The following CSNK1G1 variants were observed in gnomAD, a reference collection of about 807,000 sequenced individuals.
CSNK1G1 encodes casein kinase I isoform gamma-1.
In CSNK1G1, 22 loss-of-function variants were observed where a neutral mutation model predicts 59.6. The observed-to-expected ratio is 0.37, with a 90% CI of 0.26 to 0.53. CSNK1G1 has a LOEUF of 0.53. CSNK1G1 is among the 20% of genes least tolerant of loss of function. The pLI is 0.89. For synonymous variants in CSNK1G1, 179 were observed against 177.1 expected (o/e 1.01, Z -0.08); for missense variants, 384 against 519.5 (o/e 0.74, Z 2.54).
intron 11 of CSNK1G1, among the ~76,000 whole-genome samples, chr15:64,177,289 G>C (rs560045053): frequency 6.6e-5 from 10 of 152,188 alleles, no homozygotes; most frequent in Non-Finnish European, 1.5e-4. Context: ...TGAACAAATG[G>C]CATCACAGCT....
chr15:64,208,423 G>A (rs1352726683), intron 6 of CSNK1G1, among the ~76,000 whole-genome samples: 1 of 152,204 alleles, frequency 6.6e-6, no homozygotes, highest in Non-Finnish European at 1.5e-5. Flanking sequence ...TAATTGGGAA[G>A]GTGAAGATGA....
rs763270523 is a variant in CSNK1G1 at position 64,251,575 on chromosome 15, T to C, written c.229A>G (p.Ile77Val). 2 of 1,611,610 alleles carry C rather than the reference T, an allele frequency of 1.2e-6. No individual in the cohort carries two copies. The highest frequency in any genetic ancestry group is 1.1e-5 in the South Asian group (1 of 90,720). ...TGAAGCTGTGGAGCACGTGATTTTATTGGTTCCTGAAATCCAAAAAGAAAA... is the reference window on the plus strand; with the variant it reads ...TGAAGCTGTGGAGCACGTGATTTTACTGGTTCCTGAAATCCAAAAAGAAAA... ...NEYVAIKLEPIKSRAPQLHLE... is the reference protein window; with the variant it reads ...NEYVAIKLEPVKSRAPQLHLE... Residue 77 changes from isoleucine (I) to valine (V), a missense_variant, in exon 4 of 12, where the codon ATA (isoleucine) becomes GTA (valine). Physicochemically the swap from Ile to Val is conservative, Grantham distance 29. Transcript: ENST00000303052.
chr15:64,273,686 G>A (rs1893450493), intron 2 of CSNK1G1, among the ~76,000 whole-genome samples: 1 of 150,884 alleles, frequency 6.6e-6, no homozygotes, highest in South Asian at 2.1e-4. Context: ...GAATTGTCTT[G>A]GGCCACACAT....
chr15:64,259,757 TC>T (rs1410957114), intron 2 of CSNK1G1, among the ~76,000 whole-genome samples: 4 of 152,182 alleles, frequency 2.6e-5, no homozygotes, highest in Non-Finnish European at 4.4e-5. Flanking sequence ...TTTGGAGAAT[TC>T]ATCTACTGCT....
At chr15:64,322,372 A>C (rs1215347072) in intron 1 of CSNK1G1, among the ~76,000 whole-genome samples, 1 of 151,948 alleles carries the variant, frequency 6.6e-6, no homozygotes, top group Non-Finnish European at 1.5e-5. Flanking sequence ...AAATACAGAC[A>C]CGGTCTTACT....
chr15:64,297,625 G>A (rs1449035045), intron 2 of CSNK1G1, among the ~76,000 whole-genome samples: 1 of 151,994 alleles, frequency 6.6e-6, no homozygotes, highest in East Asian at 1.9e-4. Context: ...TTGAGCCTGG[G>A]AGTTGGAGGC....
In CSNK1G1 at chr15:64,201,706, ATGTGTGTGTG is replaced by A. The variant is rs10664838; in HGVS notation, c.1107+1366_1107+1375del. ...TATTTGTGGGTGTACTCCATTGGAC[ATGTGTGTGTG>A]TGTGTGTGTGTGTGTGTGTGTGTGT... On this transcript the variant is annotated intron_variant, in intron 10 of 11. Transcript: ENST00000303052. Among the ~76,000 whole-genome samples the A allele has an allele frequency of 9.0e-3, 1,133 of 126,540 alleles. 5 individuals carry two copies. The highest frequency in any genetic ancestry group is 0.013 in the Non-Finnish European group (794 of 61,132). 83.0% of individuals were successfully genotyped at this position (126,540 alleles called of 152,430 possible). A position where few individuals can be genotyped will look rare whatever the true frequency, so the allele number is the denominator to read the frequency against.
chr15:64,341,487 G>A (rs2140476038), intron 1 of CSNK1G1, among the ~76,000 whole-genome samples: 1 of 152,238 alleles, frequency 6.6e-6, no homozygotes, highest in East Asian at 1.9e-4. Context: ...TTGGTTGGTT[G>A]GTTTCAAAGA....
chr15:64,310,808 C>T (rs1895953107), intron 1 of CSNK1G1, among the ~76,000 whole-genome samples: 1 of 151,796 alleles, frequency 6.6e-6, no homozygotes, highest in Admixed American at 6.6e-5. Context: ...AGATCGAGAC[C>T]ATCCTGGCCA....
At chr15:64,256,929 T>A (rs1428035115) in intron 3 of CSNK1G1, among the ~76,000 whole-genome samples, 3 of 151,894 alleles carry the variant, frequency 2.0e-5, no homozygotes, top group Non-Finnish European at 1.5e-5. Context: ...CTGCCTAAAA[T>A]CCTAAACAAA....
intron 1 of CSNK1G1, among the ~76,000 whole-genome samples, chr15:64,322,027 T>C (rs372582604): frequency 2.3e-4 from 34 of 150,268 alleles, no homozygotes; most frequent in African/African-American, 8.5e-4. Flanking sequence ...TTACTCTAAG[T>C]AGTAAATATC....
intron 1 of CSNK1G1, among the ~76,000 whole-genome samples, chr15:64,354,562 T>C (rs971136628): frequency 1.3e-5 from 2 of 152,232 alleles, no homozygotes; most frequent in African/African-American, 4.8e-5. Flanking sequence ...AATTTCATGC[T>C]ACCTACGATC....
intron 4 of CSNK1G1, among the ~76,000 whole-genome samples, chr15:64,241,210 G>C (rs1460356888): frequency 6.6e-6 from 1 of 152,112 alleles, no homozygotes. Context: ...CCAAAAGCAA[G>C]GAGGAGTAGA....
At chr15:64,264,962 C>T (rs560811886) in intron 2 of CSNK1G1, among the ~76,000 whole-genome samples, 4 of 152,240 alleles carry the variant, frequency 2.6e-5, no homozygotes, top group Admixed American at 2.0e-4. Context: ...AAGACTAGAA[C>T]AAGACAAGGA....
At position 64,198,603 on chromosome 15, in the gene CSNK1G1, A is replaced by G. The variant is rs371432621; in HGVS notation, c.1107+4479T>C. 2.0e-3 allele frequency among the ~76,000 whole-genome samples: 310 copies of G among 152,218 alleles called. 1 individual carries two copies. Among genetic ancestry groups the G allele is most frequent in the African/African-American group, 7.0e-3 (292 of 41,544 alleles). ...CTGTTCCTAAAGTCAATACCTGTCA[A>G]TCTCGCTCAAGGAGAAACTGTATTT... On this transcript the variant is annotated intron_variant, in intron 10 of 11. Transcript: ENST00000303052.
chr15:64,340,524 T>C (rs1459221544), intron 1 of CSNK1G1, among the ~76,000 whole-genome samples: 2 of 152,208 alleles, frequency 1.3e-5, no homozygotes, highest in Non-Finnish European at 2.9e-5. Context: ...AAACCTTTTA[T>C]TGTTATATGA....
At chr15:64,224,237 C>T (rs1039199295) in intron 4 of CSNK1G1, among the ~76,000 whole-genome samples, 3 of 152,108 alleles carry the variant, frequency 2.0e-5, no homozygotes, top group African/African-American at 7.2e-5. Context: ...CTCTTCTCAG[C>T]CCCATCAATA....
intron 2 of CSNK1G1, among the ~76,000 whole-genome samples, chr15:64,279,172 G>A (rs1395877213): frequency 6.6e-6 from 1 of 152,122 alleles, no homozygotes; most frequent in Admixed American, 6.5e-5. Flanking sequence ...AACGTTAACT[G>A]TAGAGCTCGG....
Position 64,167,309 on chromosome 15 carries a change from T to C in CSNK1G1, c.*4622A>G, listed in dbSNP as rs1046575442. On this transcript the variant is annotated 3_prime_UTR_variant, in exon 12 of 12. Transcript: ENST00000303052. The stretch of plus-strand genomic sequence containing the variant: ...TATTCAGAAACAAAATCACCCCCCA[T>C]ACACCAAAAAACAAACTGAAAACCA... 6.6e-6 allele frequency: 1 copy of C among 151,988 alleles called. No homozygotes were observed. Among genetic ancestry groups the C allele is most frequent in the African/African-American group, 2.4e-5 (1 of 41,382 alleles). 9.4% of individuals were successfully genotyped at this position (151,988 alleles called of 1,614,324 possible).
Sources: allele counts gnomAD v4.1 joint callset (sites outside exome capture counted in the v4.1 genomes callset), GRCh38; gene constraint gnomAD v4.1.1; transcripts MANE v1.5; gene names NCBI Gene and HGNC (gene_info 2026-07-23, HGNC 2026-07-21).